BNC2: variants seen among roughly 807,000 people sequenced by gnomAD.
BNC2 encodes the protein zinc finger protein basonuclin-2.
A neutral mutation model predicts 76.3 loss-of-function variants in BNC2; 20 were observed. The ratio of observed to expected loss-of-function variants is 0.26; its 90% CI spans 0.18 to 0.38. BNC2 has a LOEUF of 0.38. Among genes scored for constraint, BNC2 ranks in the 10% least tolerant of loss-of-function variants. BNC2 has a pLI of 1.00. For synonymous variants in BNC2, 582 were observed against 514.8 expected, an observed-to-expected ratio of 1.13 and a Z score of -1.77; for missense variants, 1,382 against 1,399.8, an observed-to-expected ratio of 0.99 and a Z score of 0.20.
chr9:16,456,275 G>A (rs542732535), intron 5 of BNC2, among the ~76,000 whole-genome samples: 1 of 152,146 alleles, frequency 6.6e-6, no homozygotes, highest in East Asian at 1.9e-4. Context: ...CTGTTTTTAT[G>A]GAGTCTCAAA....
intron 1 of BNC2, chr9:16,867,727 C>G (rs1434817913): frequency 7.1e-6 from 1 of 139,922 alleles, no homozygotes; most frequent in Non-Finnish European, 1.5e-5. Context: ...AGCCAGTGTC[C>G]AATTTCTTCT....
At chr9:16,713,317 C>G (rs1412858946) in intron 3 of BNC2, among the ~76,000 whole-genome samples, 1 of 152,060 alleles carries the variant, frequency 6.6e-6, no homozygotes, top group Non-Finnish European at 1.5e-5. Context: ...GAGGTAGTTT[C>G]CAACCATCAC....
At chr9:16,540,136 C>T (rs942386722) in intron 5 of BNC2, among the ~76,000 whole-genome samples, 1 of 150,270 alleles carries the variant, frequency 6.7e-6, no homozygotes, top group African/African-American at 2.4e-5. Context: ...ACCCCCGCAA[C>T]CATGCAACTA....
chr9:16,420,686 C>A (rs1820691592), intron 6 of BNC2, among the ~76,000 whole-genome samples: 2 of 147,504 alleles, frequency 1.4e-5, no homozygotes, highest in African/African-American at 2.5e-5. Context: ...TATATACATA[C>A]ACATATACAT....
chr9:16,818,972 C>G (rs984842584), intron 1 of BNC2, among the ~76,000 whole-genome samples: 2 of 151,970 alleles, frequency 1.3e-5, no homozygotes, highest in Admixed American at 1.3e-4. Flanking sequence ...ACCTCAGAAC[C>G]TTGGCAATAA....
intron 4 of BNC2, among the ~76,000 whole-genome samples, chr9:16,577,177 G>C (rs969363834): frequency 6.6e-6 from 1 of 152,074 alleles, no homozygotes; most frequent in African/African-American, 2.4e-5. Context: ...ACCTAAATTT[G>C]CATGGTAATA....
chr9:16,710,987 C>T (rs1261948191), intron 3 of BNC2, among the ~76,000 whole-genome samples: 1 of 152,134 alleles, frequency 6.6e-6, no homozygotes, highest in African/African-American at 2.4e-5. Flanking sequence ...CCAAACTGTT[C>T]GCGTGTCATG....
chr9:16,828,281 GATTAT>G (rs1240207444), intron 1 of BNC2, among the ~76,000 whole-genome samples: 1 of 152,036 alleles, frequency 6.6e-6, no homozygotes, highest in Non-Finnish European at 1.5e-5. Flanking sequence ...GAGAAATACT[GATTAT>G]ATTTTATAGA....
intron 5 of BNC2, among the ~76,000 whole-genome samples, chr9:16,538,171 A>T (rs561682774): frequency 8.9e-4 from 135 of 152,318 alleles, no homozygotes; most frequent in African/African-American, 3.0e-3. Context: ...GTACTGCCTG[A>T]AGGTTCTTCT....
At position 16,436,228 on chromosome 9, in the gene BNC2, C is replaced by T; in HGVS notation, c.1966G>A (p.Glu656Lys). ...IIDTADEFDD[E>K]DDDPNDGGAV... The stretch of plus-strand genomic sequence containing the variant: ...CCACCATCATTGGGGTCATCATCTT[C>T]ATCATCAAACTCATCGGCGGTATCA... Residue 656 changes from glutamate to lysine, a missense_variant, in exon 6 of 7, where the codon GAA becomes AAA. Physicochemically the swap from Glu to Lys is moderately conservative, Grantham distance 56. Around this residue, in one of 3 missense-constraint regions of BNC2, gnomAD observed 798 missense variants for 775.5 expected, o/e 1.03. Coordinates refer to ENST00000380672, the MANE Select transcript of BNC2 (RefSeq NM_017637.6). 1.2e-6 allele frequency: 2 copies of T among 1,614,108 alleles called. No homozygotes were observed. The highest frequency in any genetic ancestry group is 1.7e-6 in the Non-Finnish European group (2 of 1,180,008).
chr9:16,781,009 GA>G (rs916360028), intron 1 of BNC2, among the ~76,000 whole-genome samples: 2 of 149,648 alleles, frequency 1.3e-5, no homozygotes, highest in African/African-American at 4.9e-5. Context: ...TCCTTTGTTT[GA>G]AAAAAAAAGA....
intron 1 of BNC2, among the ~76,000 whole-genome samples, chr9:16,829,336 C>T (rs913314940): frequency 2.6e-5 from 4 of 152,120 alleles, no homozygotes; most frequent in African/African-American, 9.7e-5. Context: ...CACCCTTTAC[C>T]AAATGAATGG....
chr9:16,779,130 A>AAAAAAAAAAAAAAAAAAAAAAG (rs556932807), intron 1 of BNC2, among the ~76,000 whole-genome samples: 60 of 87,576 alleles, frequency 6.9e-4, no homozygotes, highest in Non-Finnish European at 1.0e-3. Flanking sequence ...AAAAAAAAAA[A>AAAAAAAAAAAAAAAAAAAAAAG]AAAAGAAAAG....
intron 4 of BNC2, among the ~76,000 whole-genome samples, chr9:16,568,884 T>C (rs772222053): frequency 4.6e-5 from 7 of 152,178 alleles, no homozygotes; most frequent in Non-Finnish European, 8.8e-5. Context: ...GAAAGAACTA[T>C]GTAACTGGGA....
chr9:16,671,466 G>A (rs1003925178), intron 3 of BNC2, among the ~76,000 whole-genome samples: 3 of 152,128 alleles, frequency 2.0e-5, no homozygotes, highest in Non-Finnish European at 4.4e-5. Context: ...GCCAAACTCA[G>A]GAGACAATCT....
chr9:16,613,134 T>C (rs1229139695), intron 3 of BNC2, among the ~76,000 whole-genome samples: 3 of 152,142 alleles, frequency 2.0e-5, no homozygotes, highest in Non-Finnish European at 2.9e-5. Context: ...AAATAAAAGA[T>C]AGCAGTGAGT....
intron 1 of BNC2, among the ~76,000 whole-genome samples, chr9:16,754,925 G>A (rs1343719619): frequency 6.6e-6 from 1 of 152,106 alleles, no homozygotes; most frequent in African/African-American, 2.4e-5. Context: ...ATCCACCCAA[G>A]AAGCACTTGA....
chr9:16,857,862 G>T (rs986464605), intron 1 of BNC2, among the ~76,000 whole-genome samples: 5 of 152,182 alleles, frequency 3.3e-5, no homozygotes, highest in African/African-American at 1.2e-4. Context: ...AACTGTAAGG[G>T]AATGAATATT....
chr9:16,737,771 C>G (rs1011277544), intron 2 of BNC2, among the ~76,000 whole-genome samples: 18 of 152,104 alleles, frequency 1.2e-4, no homozygotes, highest in Admixed American at 1.1e-3. Flanking sequence ...GTTAAAAATA[C>G]GAAGACTTAA....
Sources: allele counts gnomAD v4.1 joint callset (sites outside exome capture counted in the v4.1 genomes callset), GRCh38; gene constraint gnomAD v4.1.1; regional missense constraint gnomAD v4.1.1; transcripts MANE v1.5; gene names NCBI Gene and HGNC (gene_info 2026-07-23, HGNC 2026-07-21).